Variants in SORBS2 observed in about 807,000 individuals in gnomAD.
SORBS2 encodes sorbin and SH3 domain containing 2.
In SORBS2, 46 loss-of-function variants were observed where a neutral mutation model predicts 97.7. That is an observed-to-expected ratio of 0.47 (90% CI 0.37 to 0.60). The LOEUF (loss-of-function observed/expected upper bound fraction) is 0.60, where lower values mean the gene tolerates loss of function less well. Among genes scored for constraint, SORBS2 ranks in the 20% least tolerant of loss-of-function variants. The pLI, the probability that SORBS2 is intolerant of heterozygous loss-of-function variation, is 0.00. For missense variants in SORBS2, 1,316 were observed against 1,282.3 expected, an observed-to-expected ratio of 1.03 and a Z score of -0.40; for synonymous variants, 476 against 473.4, an observed-to-expected ratio of 1.01 and a Z score of -0.07.
rs73028083 is a variant in SORBS2 at position 185,627,457 on chromosome 4, A to G, written c.447-438T>C. 1.7e-3 allele frequency among the ~76,000 whole-genome samples: 263 copies of G among 152,310 alleles called. 5 individuals are homozygous for G. The highest frequency in any genetic ancestry group is 6.1e-3 in the African/African-American group (253 of 41,574). On this transcript the variant is annotated intron_variant, in intron 5 of 14. Coordinates refer to ENST00000418609, the Ensembl canonical transcript of SORBS2. ...GGTCTCAAACCCCTGAGCTCAAGTA[A>G]TCCTCAAGCCTCAGTCTCCTGAAGT...
intron 12 of SORBS2, 32 bp from the exon 25 acceptor site, chr4:185,593,967 G>A (rs575065532): frequency 1.9e-5 from 27 of 1,394,650 alleles, no homozygotes; most frequent in Non-Finnish European, 2.3e-5. Context: ...TGTAATCAAT[G>A]TTTAAACTGG....
At chr4:185,898,093 T>G (rs2099245924) in intron 1 of SORBS2, among the ~76,000 whole-genome samples, 1 of 152,208 alleles carries the variant, frequency 6.6e-6, no homozygotes, top group Non-Finnish European at 1.5e-5. Context: ...TAACATTCCA[T>G]CTAAGCAAAG....
At chr4:185,918,083 G>A (rs1349885983) in intron 1 of SORBS2, 1 of 152,094 alleles carries the variant, frequency 6.6e-6, no homozygotes, top group Non-Finnish European at 1.5e-5. Context: ...AATACATTGG[G>A]TATTTACTCA....
chr4:185,831,359 C>G (rs375344934), intron 1 of SORBS2, among the ~76,000 whole-genome samples: 2 of 152,196 alleles, frequency 1.3e-5, no homozygotes, highest in African/African-American at 2.4e-5. Context: ...CATGCCCAGA[C>G]GAGGCAGCTA....
At position 185,877,867 on chromosome 4, in the gene SORBS2, C is replaced by CAAAA. The variant is rs1491116547; in HGVS notation, c.-338+78325_-338+78328dup. Among the ~76,000 whole-genome samples, 32 of 50,202 alleles carry CAAAA rather than the reference C, an allele frequency of 6.4e-4. No homozygotes were observed. In the East Asian group the frequency reaches 0.018, roughly 29 times the overall value. The allele number at this position is 50,202 out of a possible 152,430, so 32.9% of individuals were successfully genotyped here. A position where few individuals can be genotyped will look rare whatever the true frequency, so the allele number is the denominator to read the frequency against. On this transcript the variant is annotated intron_variant, in intron 1 of 20. Coordinates refer to the SORBS2 transcript ENST00000284776. The stretch of plus-strand genomic sequence containing the variant: ...CCTGGGTGACAGAGTGAGACTCTGT[C>CAAAA]AAAAAACAAAAAAAAAAAAGAAAGA...
At chr4:185,661,767 C>G (rs1032581850), upstream of SORBS2, among the ~76,000 whole-genome samples, 4 of 152,292 alleles carry the variant, frequency 2.6e-5, no homozygotes, top group African/African-American at 9.6e-5. Flanking sequence ...GAAGCTCTTC[C>G]AAGTCCGAAC....
chr4:185,867,602 T>A (rs1191892643), intron 1 of SORBS2, among the ~76,000 whole-genome samples: 5 of 152,170 alleles, frequency 3.3e-5, no homozygotes, highest in Admixed American at 1.3e-4. Flanking sequence ...CAGCTCAAAT[T>A]TGAGTTCAAC....
chr4:185,904,898 G>T (rs1376964792), intron 1 of SORBS2, among the ~76,000 whole-genome samples: 1 of 151,842 alleles, frequency 6.6e-6, no homozygotes, highest in African/African-American at 2.4e-5. Flanking sequence ...TGAGGTCGGG[G>T]GTTCGAGACC....
chr4:185,884,193 C>A (rs925184994), intron 1 of SORBS2, among the ~76,000 whole-genome samples: 6 of 152,114 alleles, frequency 3.9e-5, no homozygotes, highest in African/African-American at 1.2e-4. Flanking sequence ...ATAAATTATA[C>A]CTCAATAAAC....
intron 4 of SORBS2, 119 bp from the exon 8 acceptor site, chr4:185,662,361 A>G: frequency 9.7e-7 from 1 of 1,026,912 alleles, no homozygotes; most frequent in Non-Finnish European, 1.4e-6. Flanking sequence ...CCAAGCTCTT[A>G]TTTATTTTGA....
At chr4:185,899,596 C>G (rs1159473708) in intron 1 of SORBS2, among the ~76,000 whole-genome samples, 4 of 152,016 alleles carry the variant, frequency 2.6e-5, no homozygotes, top group Non-Finnish European at 5.9e-5. Context: ...GAGTTTAAAC[C>G]CACCTAACAA....
intron 2 of SORBS2, among the ~76,000 whole-genome samples, chr4:185,739,079 G>T (rs1455436164): frequency 2.6e-5 from 4 of 152,244 alleles, no homozygotes; most frequent in African/African-American, 9.6e-5. Flanking sequence ...GAATAATGCA[G>T]CTGAGAGCTG....
intron 2 of SORBS2, among the ~76,000 whole-genome samples, chr4:185,683,128 A>C (rs1039397855): frequency 6.6e-6 from 1 of 152,170 alleles, no homozygotes; most frequent in Non-Finnish European, 1.5e-5. Context: ...AGTGGACTTC[A>C]TTCTCTAGAA....
At chr4:185,657,015 C>G (rs773115045), upstream of SORBS2, 2 of 822,490 alleles carry the variant, frequency 2.4e-6, no homozygotes, top group East Asian at 8.4e-5. Flanking sequence ...TTTCAAAAAA[C>G]GAACACATCA....
chr4:185,658,359 AAC>A (rs1261235254), upstream of SORBS2, among the ~76,000 whole-genome samples: 1 of 152,220 alleles, frequency 6.6e-6, no homozygotes. Flanking sequence ...TTTCAGAAGC[AAC>A]AGAGTACAGA....
rs969843817 is a variant in SORBS2, at chr4:185,720,619, C to T, written c.-197-41797G>A. ...TATCTAAGAGATTGGCCTGGGCCTC[C>T]GGTACCCAGGTGCTCTGCCTTGTGA... is the stretch of plus-strand genomic sequence containing the variant. On this transcript the variant is annotated intron_variant, in intron 2 of 20. Coordinates refer to the SORBS2 transcript ENST00000284776. 2.6e-5 allele frequency among the ~76,000 whole-genome samples: 4 copies of T among 152,288 alleles called. No individual in the cohort carries two copies. In the East Asian group the frequency reaches 5.8e-4, roughly 22 times the overall value.
intron 2 of SORBS2, among the ~76,000 whole-genome samples, chr4:185,692,976 A>G (rs560380437): frequency 1.3e-5 from 2 of 152,284 alleles, no homozygotes; most frequent in South Asian, 4.1e-4. Context: ...TATCCTTACT[A>G]TATGGTGTTT....
intron 2 of SORBS2, among the ~76,000 whole-genome samples, chr4:185,741,392 TC>T (rs2098724388): frequency 1.4e-5 from 2 of 142,698 alleles, no homozygotes; most frequent in Admixed American, 1.5e-4. Context: ...TTCTTTCTTT[TC>T]TTTTTTTTTT....
chr4:185,873,040 T>A (rs2099231290), intron 1 of SORBS2, among the ~76,000 whole-genome samples: 1 of 152,202 alleles, frequency 6.6e-6, no homozygotes, highest in African/African-American at 2.4e-5. Context: ...ATAGAGAGGA[T>A]GCTTATTAAA....
Sources: gnomAD v4.1 joint callset for allele counts (sites outside exome capture counted in the v4.1 genomes callset) on GRCh38, gnomAD v4.1.1 for gene constraint, MANE v1.5 for transcripts, NCBI Gene and HGNC (gene_info 2026-07-23, HGNC 2026-07-21) for gene names.